Variants in CPHXL observed in about 807,000 individuals in gnomAD.
CPHXL encodes the protein cytoplasmic polyadenylated homeobox-like protein.
At chr16:75,717,952 G>T (rs1959417158) in intron 2 of CPHXL, among the ~76,000 whole-genome samples, 1 of 152,130 alleles carries the variant, frequency 6.6e-6, no homozygotes, top group South Asian at 2.1e-4. Context: ...GCTGGATGTG[G>T]TGACTCACGC....
intron 2 of CPHXL, among the ~76,000 whole-genome samples, chr16:75,717,357 T>C (rs918904737): frequency 6.6e-6 from 1 of 152,234 alleles, no homozygotes; most frequent in Non-Finnish European, 1.5e-5. Context: ...ATTTTTCATA[T>C]TGTTATGTGC....
chr16:75,718,769 T>C (rs921338929), intron 1 of CPHXL, among the ~76,000 whole-genome samples: 5 of 152,252 alleles, frequency 3.3e-5, no homozygotes, highest in African/African-American at 9.6e-5. Context: ...GCTTAGTAGT[T>C]GAGGCTCCAA....
chr16:75,721,227 G>A (rs981106768), intron 1 of CPHXL, among the ~76,000 whole-genome samples: 1 of 152,172 alleles, frequency 6.6e-6, no homozygotes, highest in African/African-American at 2.4e-5. Flanking sequence ...ACATCATAAT[G>A]ACAGGATCAA....
In CPHXL at chr16:75,726,277, T is replaced by C. The variant is rs542237174; in HGVS notation, c.25+141A>G. 162 of 396,960 alleles carry C rather than the reference T, an allele frequency of 4.1e-4. 1 individual carries two copies. Among genetic ancestry groups the C allele is most frequent in the African/African-American group, 3.2e-3 (157 of 48,736 alleles). 24.6% of individuals were successfully genotyped at this position (396,960 alleles called of 1,614,324 possible). A position where few individuals can be genotyped will look rare whatever the true frequency, so the allele number is the denominator to read the frequency against. On this transcript the variant is annotated intron_variant, in intron 1 of 2. Transcript: ENST00000640559. ...AGTCCAACTTCAAAGTACCCATGAATGCCCTAACACAATTTACCGGTGAAA... is the reference window on the plus strand; with the variant it reads ...AGTCCAACTTCAAAGTACCCATGAACGCCCTAACACAATTTACCGGTGAAA...
chr16:75,718,387 G>A lies in CPHXL; in HGVS notation c.97C>T (p.His33Tyr). 1 of 398,668 alleles carries A rather than the reference G, an allele frequency of 2.5e-6. No individual in the cohort carries two copies. Among genetic ancestry groups the A allele is most frequent in the Non-Finnish European group, 4.4e-6 (1 of 226,162 alleles). 24.7% of individuals were successfully genotyped at this position (398,668 alleles called of 1,614,324 possible). ...TKNKRKTKHR[H>Y]KFSEELLQEL... ...TGCAGTAATTCTTCAGAAAATTTATGTCGGTGTTTTGTTTTTCTTTTATTC... is the reference window on the plus strand; with the variant it reads ...TGCAGTAATTCTTCAGAAAATTTATATCGGTGTTTTGTTTTTCTTTTATTC... The change falls in exon 2 of 3, where the codon CAT (histidine) becomes TAT (tyrosine). Residue 33 changes from histidine to tyrosine, a missense_variant. Transcript: ENST00000640559.
At chr16:75,719,185 A>G (rs1328531883) in intron 1 of CPHXL, among the ~76,000 whole-genome samples, 1 of 152,226 alleles carries the variant, frequency 6.6e-6, no homozygotes, top group Non-Finnish European at 1.5e-5. Flanking sequence ...AGCAACACAG[A>G]AGACAGGTGA....
rs1234716074 is a variant in CPHXL at position 75,726,477 on chromosome 16, G to A, written c.-35C>T. ...GAAGACCTGGACTTCACGGAGACCA[G>A]CAAGCAACTGAGATCAGCAAGCAAC... On this transcript the variant is annotated 5_prime_UTR_variant, in exon 1 of 3. Coordinates refer to ENST00000640559, the MANE Select transcript of CPHXL (RefSeq NM_001355613.1). The A allele has an allele frequency of 2.3e-5, 9 of 398,348 alleles. No homozygotes were observed. Among genetic ancestry groups the A allele is most frequent in the Admixed American group, 4.4e-5 (1 of 22,704 alleles). The allele number at this position is 398,348 out of a possible 1,614,324, so 24.7% of individuals were successfully genotyped here.
rs35659823 is a variant in CPHXL, at chr16:75,725,753, C to CTTTTTTT, written c.25+658_25+664dup. Reference sequence around the variant, plus strand: ...AGGAGTGAGCCACCGTGCCCGGCGTCTTTTTTTTTTTTTTTTTTTTTTTTT... The same window carrying CTTTTTTT: ...AGGAGTGAGCCACCGTGCCCGGCGTCTTTTTTTTTTTTTTTTTTTTTTTTTTTTTTTT... On this transcript the variant is annotated intron_variant, in intron 1 of 2. Coordinates refer to ENST00000640559, the MANE Select transcript of CPHXL (RefSeq NM_001355613.1). Among the ~76,000 whole-genome samples, 159 of 43,320 alleles carry CTTTTTTT rather than the reference C, an allele frequency of 3.7e-3. 13 individuals are homozygous for CTTTTTTT. Among genetic ancestry groups the CTTTTTTT allele is most frequent in the Middle Eastern group, 0.019 (1 of 54 alleles). 28.4% of individuals were successfully genotyped at this position (43,320 alleles called of 152,430 possible).
chr16:75,718,835 A>C (rs1959431986), intron 1 of CPHXL, among the ~76,000 whole-genome samples: 1 of 152,230 alleles, frequency 6.6e-6, no homozygotes, highest in South Asian at 2.1e-4. Context: ...GAGAATTTAT[A>C]TTTAAAATTA....
Position 75,719,000 on chromosome 16 carries a change from GT to G in CPHXL, c.26-543del, listed in dbSNP as rs1306262877. On this transcript the variant is annotated intron_variant, in intron 1 of 2. Transcript: ENST00000640559. Reference sequence around the variant, plus strand: ...AACAGAGGCCTCTGGGTGCCACTAAGTTTTCTTTATCTGAGTGCTGAGTTCC... The same window carrying G: ...AACAGAGGCCTCTGGGTGCCACTAAGTTTCTTTATCTGAGTGCTGAGTTCC... Among the ~76,000 whole-genome samples, 4 of 152,318 alleles carry G rather than the reference GT, an allele frequency of 2.6e-5. No homozygotes were observed. In the East Asian group the frequency reaches 7.7e-4, roughly 29 times the overall value.
chr16:75,718,418 TTGTC>T lies in CPHXL; in HGVS notation c.62_65del (p.Arg21LysfsTer48), dbSNP rs1959424960. ...GTTTTGTTTTTCTTTTATTCTTTGT[TTGTC>T]TTTCTTCATTATGATGATCCTCTTC... On this transcript the variant is annotated frameshift_variant, in exon 2 of 3. Coordinates refer to ENST00000640559, the MANE Select transcript of CPHXL (RefSeq NM_001355613.1). LOFTEE classifies it high-confidence loss of function. The T allele has an allele frequency of 2.5e-6, 1 of 398,540 alleles. No homozygotes were observed. Among genetic ancestry groups the T allele is most frequent in the Admixed American group, 4.4e-5 (1 of 22,706 alleles). The allele number at this position is 398,540 out of a possible 1,614,324, so 24.7% of individuals were successfully genotyped here.
chr16:75,718,551 T>A (rs1195449045), intron 1 of CPHXL, 93 bp from the exon 2 acceptor site: 2 of 396,232 alleles, frequency 5.0e-6, no homozygotes, highest in Non-Finnish European at 8.9e-6. Context: ...CACCATAGAT[T>A]CCCTCCCCTT....
intron 1 of CPHXL, among the ~76,000 whole-genome samples, chr16:75,721,511 A>G (rs1344633710): frequency 6.6e-6 from 1 of 152,252 alleles, no homozygotes; most frequent in African/African-American, 2.4e-5. Flanking sequence ...AAAGAAGGCC[A>G]TTACATAATG....
intron 2 of CPHXL, among the ~76,000 whole-genome samples, chr16:75,717,921 C>T (rs895107833): frequency 6.6e-6 from 1 of 152,048 alleles, no homozygotes; most frequent in African/African-American, 2.4e-5. Flanking sequence ...TACTTATTGC[C>T]CTTTAATTTT....
chr16:75,717,680 G>C (rs1467480661), intron 2 of CPHXL, among the ~76,000 whole-genome samples: 1 of 152,106 alleles, frequency 6.6e-6, no homozygotes, highest in African/African-American at 2.4e-5. Flanking sequence ...CTGTCACACA[G>C]GCTGGAATGC....
chr16:75,718,002 C>T (rs1342816646), intron 2 of CPHXL, among the ~76,000 whole-genome samples: 1 of 152,094 alleles, frequency 6.6e-6, no homozygotes, highest in Non-Finnish European at 1.5e-5. Flanking sequence ...GTGGGTAGAT[C>T]TCTTGACCCC....
At chr16:75,720,286 C>T (rs1228042826) in intron 1 of CPHXL, among the ~76,000 whole-genome samples, 1 of 152,096 alleles carries the variant, frequency 6.6e-6, no homozygotes, top group African/African-American at 2.4e-5. Context: ...AAGAAGGCTT[C>T]AGACGATCAA....
chr16:75,721,208 A>C (rs1228309894), intron 1 of CPHXL, among the ~76,000 whole-genome samples: 3 of 152,200 alleles, frequency 2.0e-5, no homozygotes, highest in Admixed American at 6.5e-5. Context: ...GGGGCAAAAT[A>C]ACCAGCTAAC....
At chr16:75,724,005 C>T (rs940921915) in intron 1 of CPHXL, among the ~76,000 whole-genome samples, 1 of 152,130 alleles carries the variant, frequency 6.6e-6, no homozygotes, top group Non-Finnish European at 1.5e-5. Context: ...ACAAACTTGA[C>T]ACAAACAAGA....
Sources: gnomAD v4.1 joint callset for allele counts (sites outside exome capture counted in the v4.1 genomes callset) on GRCh38, gnomAD v4.1.1 for gene constraint, MANE v1.5 for transcripts, NCBI Gene and HGNC (gene_info 2026-07-23, HGNC 2026-07-21) for gene names.